Variants in PATJ observed in about 807,000 individuals in gnomAD.
The protein encoded by PATJ is inaD-like protein.
Under a neutral mutation model 224.9 loss-of-function variants are expected in PATJ, and 190 were observed. The observed-to-expected ratio is 0.84, with a 90% CI of 0.75 to 0.95. PATJ has a LOEUF of 0.95. Among genes scored for constraint, PATJ ranks in the 40% least tolerant of loss-of-function variants. The pLI is 0.00. For synonymous variants in PATJ, 769 were observed against 820.3 expected (o/e 0.94, Z 1.07); for missense variants, 2,121 against 2,270.3 (o/e 0.93, Z 1.34).
intron 1 of PATJ, among the ~76,000 whole-genome samples, chr1:61,750,528 C>T (rs1645266255): frequency 1.3e-5 from 2 of 150,728 alleles, no homozygotes; most frequent in South Asian, 2.1e-4. Flanking sequence ...CTCTGCCTCC[C>T]GGGTTCGGGT....
intron 7 of PATJ, among the ~76,000 whole-genome samples, chr1:61,779,519 A>G (rs1027394925): frequency 2.6e-5 from 4 of 152,206 alleles, no homozygotes; most frequent in African/African-American, 9.6e-5. Flanking sequence ...TTTACAAAAT[A>G]CCTTTGCAGC....
chr1:61,987,174 T>A (rs572731334), intron 27 of PATJ, among the ~76,000 whole-genome samples: 1 of 152,182 alleles, frequency 6.6e-6, no homozygotes, highest in East Asian at 1.9e-4. Flanking sequence ...TTATTGTTAA[T>A]TTATAATTTT....
At chr1:62,053,319 A>G (rs1412707605) in intron 31 of PATJ, among the ~76,000 whole-genome samples, 1 of 152,132 alleles carries the variant, frequency 6.6e-6, no homozygotes, top group African/African-American at 2.4e-5. Context: ...TTTCTTAATC[A>G]CTGTTTGCAG....
intron 29 of PATJ, among the ~76,000 whole-genome samples, chr1:62,019,677 AC>A (rs1408634593): frequency 2.0e-5 from 3 of 151,814 alleles, no homozygotes; most frequent in Non-Finnish European, 4.4e-5. Context: ...CTCTCCTTTG[AC>A]ATCCTCTGTT....
chr1:61,954,318 A>C (rs1409501052), intron 27 of PATJ, among the ~76,000 whole-genome samples: 3 of 152,176 alleles, frequency 2.0e-5, no homozygotes, highest in Non-Finnish European at 4.4e-5. Context: ...CATATTTTAC[A>C]AAAAGTAATA....
chr1:61,794,728 C>T (rs1269094146), intron 9 of PATJ, among the ~76,000 whole-genome samples: 6 of 152,140 alleles, frequency 3.9e-5, no homozygotes, highest in Non-Finnish European at 1.5e-5. Flanking sequence ...TGACTCACAC[C>T]TGTAATCTCA....
At chr1:61,997,990 G>A (rs1360553) in intron 28 of PATJ, among the ~76,000 whole-genome samples, 107,110 of 123,764 alleles carry the variant, frequency 0.87, 46,805 homozygotes, top group East Asian at 0.99. Flanking sequence ...GCTTATATAT[G>A]TATATATAAT....
At chr1:62,017,760 AAAG>A (rs1399791995) in intron 28 of PATJ, 93 bp from the exon 29 acceptor site, 5 of 675,570 alleles carry the variant, frequency 7.4e-6, no homozygotes, top group Non-Finnish European at 1.3e-5. Context: ...AAAGAAAAGA[AAAG>A]AAATTCAGTA....
intron 20 of PATJ, chr1:61,865,230 T>C (rs1015186802): frequency 2.7e-5 from 4 of 150,628 alleles, no homozygotes; most frequent in African/African-American, 9.7e-5. Context: ...TTTTTTTTTT[T>C]TCTGAGACAG....
At chr1:61,879,833 A>ATTTTTT (rs11386909) in intron 21 of PATJ, among the ~76,000 whole-genome samples, 1 of 145,594 alleles carries the variant, frequency 6.9e-6, no homozygotes. Context: ...TACTCCATCT[A>ATTTTTT]TTTTTTTTTT....
At chr1:61,951,097 G>T (rs976162379) in intron 27 of PATJ, among the ~76,000 whole-genome samples, 2 of 151,728 alleles carry the variant, frequency 1.3e-5, no homozygotes, top group African/African-American at 4.8e-5. Flanking sequence ...GTAAGCCAAG[G>T]TCGCGCCTCT....
chr1:61,973,953 A>G (rs1683319384), intron 27 of PATJ, among the ~76,000 whole-genome samples: 1 of 151,626 alleles, frequency 6.6e-6, no homozygotes, highest in African/African-American at 2.4e-5. Context: ...GACTTATCTT[A>G]GTGTTCTTAG....
intron 41 of PATJ, among the ~76,000 whole-genome samples, chr1:62,147,004 C>T (rs1668103100): frequency 6.6e-6 from 1 of 152,060 alleles, no homozygotes; most frequent in Non-Finnish European, 1.5e-5. Flanking sequence ...CTGGAGACGT[C>T]CCATAGATGT....
chr1:61,900,446 A>G (rs972712641), intron 23 of PATJ, among the ~76,000 whole-genome samples: 31 of 152,158 alleles, frequency 2.0e-4, no homozygotes, highest in African/African-American at 7.5e-4. Context: ...GAGCAGGTAA[A>G]ATCTGCCCTC....
intron 28 of PATJ, among the ~76,000 whole-genome samples, chr1:61,999,667 C>CA (rs575953445): frequency 3.3e-4 from 50 of 151,868 alleles, no homozygotes; most frequent in Non-Finnish European, 6.2e-4. Context: ...GACTCTATCT[C>CA]AAAAAAACAA....
At chr1:62,051,349 G>A (rs143727775) in intron 31 of PATJ, among the ~76,000 whole-genome samples, 48 of 151,780 alleles carry the variant, frequency 3.2e-4, no homozygotes, top group African/African-American at 1.1e-3. Context: ...TCACTCTGTC[G>A]CCCAGGCTGG....
chr1:62,014,184 A>T (rs1282975089), intron 28 of PATJ, among the ~76,000 whole-genome samples: 1 of 151,892 alleles, frequency 6.6e-6, no homozygotes, highest in Non-Finnish European at 1.5e-5. Flanking sequence ...GCTTCCTCTG[A>T]GTAGCTGGAA....
intron 39 of PATJ, among the ~76,000 whole-genome samples, chr1:62,125,840 G>T (rs1448705744): frequency 6.6e-6 from 1 of 152,008 alleles, no homozygotes; most frequent in Non-Finnish European, 1.5e-5. Flanking sequence ...TGCAATCTCG[G>T]CTCACTGAAA....
intron 27 of PATJ, among the ~76,000 whole-genome samples, chr1:61,975,200 G>A (rs1440845729): frequency 6.6e-6 from 1 of 151,934 alleles, no homozygotes; most frequent in Non-Finnish European, 1.5e-5. Context: ...TCCTGCCTCA[G>A]CCTTCCAAAG....
Sources: allele counts gnomAD v4.1 joint callset (sites outside exome capture counted in the v4.1 genomes callset), GRCh38; gene constraint gnomAD v4.1.1; transcripts MANE v1.5; gene names NCBI Gene and HGNC (gene_info 2026-07-23, HGNC 2026-07-21).